ZDHHC20: variants seen among roughly 807,000 people sequenced by gnomAD.
ZDHHC20 encodes zDHHC palmitoyltransferase 20, also known as palmitoyltransferase ZDHHC20.
Under a neutral mutation model 57.8 loss-of-function variants are expected in ZDHHC20, and 43 were observed. That is an observed-to-expected ratio of 0.74 (90% CI 0.58 to 0.96). The LOEUF is 0.96. Among genes scored for constraint, ZDHHC20 ranks in the 40% least tolerant of loss-of-function variants. The pLI, the probability that ZDHHC20 is intolerant of heterozygous loss-of-function variation, is 0.00. For missense variants in ZDHHC20, 391 were observed against 441.1 expected, an observed-to-expected ratio of 0.89 and a Z score of 1.02; for synonymous variants, 157 against 153.0, an observed-to-expected ratio of 1.03 and a Z score of -0.19.
intron 1 of ZDHHC20, among the ~76,000 whole-genome samples, chr13:21,450,003 T>TGGTTTA (rs1884294823): frequency 6.6e-6 from 1 of 152,058 alleles, no homozygotes; most frequent in African/African-American, 2.4e-5. Context: ...TAAAGGAGTG[T>TGGTTTA]AACAGTTGCA....
chr13:21,417,099 A>AT (rs1880074737), intron 3 of ZDHHC20, among the ~76,000 whole-genome samples: 1 of 152,092 alleles, frequency 6.6e-6, no homozygotes, highest in South Asian at 2.1e-4. Context: ...AACAACAAAG[A>AT]TTTTTCCTTC....
intron 1 of ZDHHC20, among the ~76,000 whole-genome samples, chr13:21,454,757 C>A (rs1289206231): frequency 2.0e-5 from 3 of 152,134 alleles, no homozygotes; most frequent in Non-Finnish European, 2.9e-5. Context: ...AGTTATTTAT[C>A]TTAATCTGCC....
At chr13:21,393,824 T>C (rs755704669) in intron 7 of ZDHHC20, among the ~76,000 whole-genome samples, 2 of 147,520 alleles carry the variant, frequency 1.4e-5, no homozygotes, top group Non-Finnish European at 3.0e-5. Context: ...AGTGCTGGAC[T>C]ACAGGCGTGA....
In ZDHHC20 at chr13:21,373,678, T is replaced by C. The variant is rs551376885; in HGVS notation, c.*3018A>G. On this transcript the variant is annotated 3_prime_UTR_variant, in exon 13 of 13. Coordinates refer to ENST00000400590, the MANE Select transcript of ZDHHC20 (RefSeq NM_001330059.2). ...CTTCAACTTTATTTTTCTTAAGGTG[T>C]CATCACAAAGTGTTTGAAGGACCAA... 2 of 152,354 alleles carry C rather than the reference T, an allele frequency of 1.3e-5. No individual in the cohort carries two copies. The highest frequency in any genetic ancestry group is 3.9e-4 in the East Asian group (2 of 5,194). 9.4% of individuals were successfully genotyped at this position (152,354 alleles called of 1,614,324 possible). A position where few individuals can be genotyped will look rare whatever the true frequency, so the allele number is the denominator to read the frequency against.
At position 21,382,937 on chromosome 13, in the gene ZDHHC20, C is replaced by T; in HGVS notation, c.927G>A (p.Gln309=). 1 of 1,560,894 alleles carries T rather than the reference C, an allele frequency of 6.4e-7. No individual in the cohort carries two copies. Among genetic ancestry groups the T allele is most frequent in the Non-Finnish European group, 8.7e-7 (1 of 1,151,624 alleles). The change falls in exon 10 of 13, where the codon CAG becomes CAA. Residue 309 remains glutamine, a synonymous_variant. Transcript: ENST00000400590. The stretch of plus-strand genomic sequence containing the variant: ...AAGCATACCTTCTGGCATACTCATT[C>T]TGGTTTGTAACAGAAGCTTGTTCTG... The part of the protein sequence containing the change: ...MDPEQASVTN[Q]NEYARSSGSN...
At chr13:21,413,576 C>A (rs1879521812) in intron 4 of ZDHHC20, 76 bp downstream of exon 4, 4 of 1,379,510 alleles carry the variant, frequency 2.9e-6, no homozygotes, top group Non-Finnish European at 3.9e-6. Context: ...AATAGTCAAA[C>A]CATGCAAATA....
rs1871887604 is a variant in ZDHHC20 at position 21,375,275 on chromosome 13, C to A, written c.*1421G>T. ...CCATTTTACAGACAGGAAGCTCCAA[C>A]CTGTAGTACTCACAGATGCTGCTGA... On this transcript the variant is annotated 3_prime_UTR_variant, in exon 13 of 13. Transcript: ENST00000400590. 7.1e-6 allele frequency: 3 copies of A among 422,188 alleles called. No individual in the cohort carries two copies. Among genetic ancestry groups the A allele is most frequent in the East Asian group, 7.0e-5 (1 of 14,198 alleles). 26.2% of individuals were successfully genotyped at this position (422,188 alleles called of 1,614,324 possible). A position where few individuals can be genotyped will look rare whatever the true frequency, so the allele number is the denominator to read the frequency against.
chr13:21,441,772 T>A (rs1458037295), intron 1 of ZDHHC20, among the ~76,000 whole-genome samples: 2 of 152,218 alleles, frequency 1.3e-5, no homozygotes, highest in East Asian at 1.9e-4. Context: ...CTAATTTTTT[T>A]ATTCTGCCGT....
At chr13:21,388,462 T>C (rs886382324) in intron 8 of ZDHHC20, among the ~76,000 whole-genome samples, 2 of 152,182 alleles carry the variant, frequency 1.3e-5, no homozygotes, top group Admixed American at 6.5e-5. Context: ...GACATCTTTC[T>C]TCCTCAGAAG....
chr13:21,383,608 G>GCATCA (rs1873877686), intron 9 of ZDHHC20, among the ~76,000 whole-genome samples: 1 of 152,118 alleles, frequency 6.6e-6, no homozygotes, highest in Non-Finnish European at 1.5e-5. Context: ...ATGATGCCTA[G>GCATCA]TATAGCACCC....
intron 9 of ZDHHC20, 54 bp from the exon 10 acceptor site, chr13:21,383,063 G>T: frequency 6.9e-7 from 1 of 1,455,832 alleles, no homozygotes; most frequent in Non-Finnish European, 9.4e-7. Context: ...AATCAAAATG[G>T]TCAAATTTAA....
chr13:21,408,575 C>T (rs1269321550), intron 4 of ZDHHC20, among the ~76,000 whole-genome samples: 1 of 152,152 alleles, frequency 6.6e-6, no homozygotes, highest in Non-Finnish European at 1.5e-5. Context: ...AATTTGACTT[C>T]CTCTCTTCCT....
chr13:21,389,646 G>A (rs146175852), intron 8 of ZDHHC20, among the ~76,000 whole-genome samples: 81 of 152,240 alleles, frequency 5.3e-4, no homozygotes, highest in African/African-American at 1.9e-3. Flanking sequence ...CATACCTACG[G>A]GGGCTGGGCA....
chr13:21,378,661 CT>C lies in ZDHHC20; in HGVS notation c.*39del. The C allele has an allele frequency of 7.1e-7, 1 of 1,417,360 alleles. No homozygotes were observed. Among genetic ancestry groups the C allele is most frequent in the South Asian group, 1.7e-5 (1 of 59,190 alleles). The allele number at this position is 1,417,360 out of a possible 1,614,324, so 87.8% of individuals were successfully genotyped here. A position where few individuals can be genotyped will look rare whatever the true frequency, so the allele number is the denominator to read the frequency against. On this transcript the variant is annotated splice_region_variant and 3_prime_UTR_variant, in exon 12 of 13. Coordinates refer to ENST00000400590, the MANE Select transcript of ZDHHC20 (RefSeq NM_001330059.2). ...AAGGATTACCTTTATACTGTCTTAC[CT>C]TGCTCTTATTCAAATGGTTAGTTAT...
intron 1 of ZDHHC20, among the ~76,000 whole-genome samples, chr13:21,439,609 G>A (rs1193900899): frequency 6.6e-6 from 1 of 152,028 alleles, no homozygotes; most frequent in Non-Finnish European, 1.5e-5. Context: ...CCAAATATAA[G>A]GACACTAAAG....
chr13:21,425,780 T>C lies in ZDHHC20; in HGVS notation c.119-102A>G, dbSNP rs1443364876. ...CATCTTAATATCATTTTCAAAAAAA[T>C]AAACTTTAGTTATAAATTGTAGACA... On this transcript the variant is annotated intron_variant, in intron 1 of 12. Coordinates refer to ENST00000400590, the MANE Select transcript of ZDHHC20 (RefSeq NM_001330059.2). 43 of 777,258 alleles carry C rather than the reference T, an allele frequency of 5.5e-5. No individual in the cohort carries two copies. The Admixed American group carries it at 2.0e-3, about 36-fold the overall frequency. 48.1% of individuals were successfully genotyped at this position (777,258 alleles called of 1,614,324 possible).
intron 7 of ZDHHC20, among the ~76,000 whole-genome samples, chr13:21,398,261 G>A (rs888164727): frequency 1.1e-4 from 17 of 152,080 alleles, no homozygotes; most frequent in African/African-American, 2.7e-4. Context: ...TCAGGAGATC[G>A]AGACCATCCT....
intron 1 of ZDHHC20, among the ~76,000 whole-genome samples, chr13:21,431,108 T>C (rs1400640048): frequency 2.0e-5 from 3 of 152,208 alleles, no homozygotes; most frequent in African/African-American, 7.2e-5. Context: ...TGGGTGGACA[T>C]AATATTTTTG....
intron 2 of ZDHHC20, among the ~76,000 whole-genome samples, chr13:21,421,693 G>T (rs948058230): frequency 4.6e-5 from 7 of 152,094 alleles, no homozygotes; most frequent in Non-Finnish European, 1.0e-4. Context: ...TGGCCATTTT[G>T]AATATCTAAC....
Sources: gnomAD v4.1 joint callset for allele counts (sites outside exome capture counted in the v4.1 genomes callset) on GRCh38, gnomAD v4.1.1 for gene constraint, MANE v1.5 for transcripts, NCBI Gene and HGNC (gene_info 2026-07-23, HGNC 2026-07-21) for gene names.